BBS9: variants seen among roughly 807,000 people sequenced by gnomAD.
The protein encoded by BBS9 is protein PTHB1.
A neutral mutation model predicts 117.7 loss-of-function variants in BBS9; 89 were observed. The ratio of observed to expected loss-of-function variants is 0.76; its 90% CI spans 0.64 to 0.90. The LOEUF (loss-of-function observed/expected upper bound fraction) is 0.90, where lower values mean the gene tolerates loss of function less well. BBS9 is among the 40% of genes least tolerant of loss of function. BBS9 has a pLI of 0.00. For synonymous variants in BBS9, 379 were observed against 370.9 expected (o/e 1.02, Z -0.25); for missense variants, 982 against 1,042.2 (o/e 0.94, Z 0.80).
chr7:33,225,951 A>G (rs1562832361), intron 5 of BBS9, among the ~76,000 whole-genome samples: 1 of 152,216 alleles, frequency 6.6e-6, no homozygotes, highest in South Asian at 2.1e-4. Context: ...GTGTGTGCAT[A>G]TGCACACATT....
In BBS9 at chr7:33,533,763, AC is replaced by A. The variant is rs1850942424; in HGVS notation, c.2299-190del. On this transcript the variant is annotated intron_variant, in intron 20 of 22. Coordinates refer to ENST00000242067, the MANE Select transcript of BBS9 (RefSeq NM_198428.3). ...GGATGAGGCTAAGAGGAATTAAGTAACTTGCTCAAGGTCAAACAGGTGACAG... is the reference window on the plus strand; with the variant it reads ...GGATGAGGCTAAGAGGAATTAAGTAATTGCTCAAGGTCAAACAGGTGACAG... 7 of 632,060 alleles carry A rather than the reference AC, an allele frequency of 1.1e-5. No individual in the cohort carries two copies. In the Admixed American group the frequency reaches 1.6e-4, roughly 14 times the overall value. The allele number at this position is 632,060 out of a possible 1,614,324, so 39.2% of individuals were successfully genotyped here.
chr7:33,610,866 C>T (rs957067444), downstream of BBS9, among the ~76,000 whole-genome samples: 1 of 152,070 alleles, frequency 6.6e-6, no homozygotes, highest in South Asian at 2.1e-4. Flanking sequence ...AGCAAAACAG[C>T]AATTCTCTGT....
intron 5 of BBS9, among the ~76,000 whole-genome samples, chr7:33,251,230 A>T (rs1273798214): frequency 1.3e-5 from 2 of 152,200 alleles, no homozygotes; most frequent in Non-Finnish European, 2.9e-5. Context: ...TGGAAAAGCC[A>T]AATGGCCTCT....
chr7:33,152,364 T>A (rs927166622), intron 2 of BBS9, among the ~76,000 whole-genome samples: 1 of 152,170 alleles, frequency 6.6e-6, no homozygotes, highest in Non-Finnish European at 1.5e-5. Context: ...GCCTCTATGA[T>A]GGAATCAGTT....
intron 19 of BBS9, among the ~76,000 whole-genome samples, chr7:33,488,619 C>T (rs937245606): frequency 8.5e-5 from 13 of 152,226 alleles, no homozygotes; most frequent in Admixed American, 8.5e-4. Flanking sequence ...CAGATTCAAT[C>T]AGTTGAATTC....
intron 19 of BBS9, among the ~76,000 whole-genome samples, chr7:33,409,721 G>GGTA (rs1830762618): frequency 6.6e-6 from 1 of 152,084 alleles, no homozygotes; most frequent in African/African-American, 2.4e-5. Flanking sequence ...GGTGTGTAGT[G>GGTA]GTAGCTCATT....
At chr7:33,273,247 A>G (rs749920643) in intron 8 of BBS9, 52 bp downstream of exon 8, 1 of 1,580,846 alleles carries the variant, frequency 6.3e-7, no homozygotes, top group South Asian at 1.1e-5. Context: ...GCTATGTGAT[A>G]TACACCAGAA....
chr7:33,291,465 A>G (rs1804030901), intron 9 of BBS9, among the ~76,000 whole-genome samples: 1 of 152,114 alleles, frequency 6.6e-6, no homozygotes, highest in African/African-American at 2.4e-5. Context: ...TCTTTCTTTC[A>G]GCTTGTATAT....
intron 21 of BBS9, among the ~76,000 whole-genome samples, chr7:33,565,729 A>G (rs1856736174): frequency 7.0e-6 from 1 of 142,026 alleles, no homozygotes; most frequent in South Asian, 2.3e-4. Flanking sequence ...CAGCATCCAA[A>G]TAGGGTTGAA....
At chr7:33,226,767 A>G (rs1478071970) in intron 5 of BBS9, among the ~76,000 whole-genome samples, 1 of 152,224 alleles carries the variant, frequency 6.6e-6, no homozygotes, top group Admixed American at 6.5e-5. Flanking sequence ...ATATTATGTT[A>G]AGTGAAATAA....
At chr7:33,552,878 T>C (rs911730078) in intron 21 of BBS9, among the ~76,000 whole-genome samples, 2 of 152,210 alleles carry the variant, frequency 1.3e-5, no homozygotes, top group Admixed American at 1.3e-4. Flanking sequence ...CTTGTTACCG[T>C]GGCCTGCAGA....
At chr7:33,349,233 T>C (rs752945674) in intron 13 of BBS9, 63 bp downstream of exon 13, 1 of 1,118,506 alleles carries the variant, frequency 8.9e-7, no homozygotes, top group East Asian at 2.4e-5. Flanking sequence ...TACTAGTTTG[T>C]TCATTTAATG....
chr7:33,560,864 G>A (rs1162680766), intron 21 of BBS9, among the ~76,000 whole-genome samples: 1 of 152,014 alleles, frequency 6.6e-6, no homozygotes, highest in Non-Finnish European at 1.5e-5. Flanking sequence ...CCCTCCTGTT[G>A]CAATTTAAGC....
chr7:33,443,490 A>C (rs939239682), intron 19 of BBS9, among the ~76,000 whole-genome samples: 5 of 152,254 alleles, frequency 3.3e-5, no homozygotes, highest in Admixed American at 1.3e-4. Flanking sequence ...TCTCAAGGAC[A>C]ATATATCAAT....
At chr7:33,421,890 T>A (rs545589283) in intron 19 of BBS9, among the ~76,000 whole-genome samples, 25 of 152,222 alleles carry the variant, frequency 1.6e-4, no homozygotes, top group African/African-American at 5.8e-4. Context: ...TATAACTTTT[T>A]AAAAAAGTAC....
intron 12 of BBS9, among the ~76,000 whole-genome samples, chr7:33,347,236 A>C (rs2128655343): frequency 6.6e-6 from 1 of 152,228 alleles, no homozygotes; most frequent in African/African-American, 2.4e-5. Flanking sequence ...GAATATAGAA[A>C]ATTGCTAATA....
intron 7 of BBS9, among the ~76,000 whole-genome samples, chr7:33,269,061 T>C (rs905326051): frequency 6.6e-6 from 1 of 152,252 alleles, no homozygotes; most frequent in Admixed American, 6.5e-5. Context: ...CACCTACCTA[T>C]GTTCACTAGG....
chr7:33,461,380 T>C (rs1490790743), intron 19 of BBS9, among the ~76,000 whole-genome samples: 2 of 152,018 alleles, frequency 1.3e-5, no homozygotes, highest in Non-Finnish European at 2.9e-5. Flanking sequence ...ATCAAAATGC[T>C]CAATTTGGAA....
At chr7:33,420,551 C>T (rs1832704191) in intron 19 of BBS9, among the ~76,000 whole-genome samples, 1 of 152,100 alleles carries the variant, frequency 6.6e-6, no homozygotes, top group Non-Finnish European at 1.5e-5. Flanking sequence ...GCAGCAGGTG[C>T]TTTGGTTCTG....
Sources: gnomAD v4.1 joint callset for allele counts (sites outside exome capture counted in the v4.1 genomes callset) on GRCh38, gnomAD v4.1.1 for gene constraint, MANE v1.5 for transcripts, NCBI Gene and HGNC (gene_info 2026-07-23, HGNC 2026-07-21) for gene names.